The following MYO18B variants were observed in gnomAD, a reference collection of about 807,000 sequenced individuals.
The protein encoded by MYO18B is myosin XVIIIB, also known as unconventional myosin-XVIIIb.
Under a neutral mutation model 273.0 loss-of-function variants are expected in MYO18B, and 204 were observed. That is an observed-to-expected ratio of 0.75 (90% CI 0.67 to 0.84). The LOEUF is 0.84. Ranked by LOEUF, MYO18B falls within the 40% of genes least tolerant of loss-of-function variation. The pLI is 0.00. For missense variants in MYO18B, 3,212 were observed against 3,287.6 expected (o/e 0.98, Z 0.56); for synonymous variants, 1,330 against 1,305.7 (o/e 1.02, Z -0.40).
At chr22:25,952,005 GCA>G (rs2092797914) in intron 37 of MYO18B, among the ~76,000 whole-genome samples, 1 of 152,204 alleles carries the variant, frequency 6.6e-6, no homozygotes, top group Non-Finnish European at 1.5e-5. Context: ...GAGAAGGGAA[GCA>G]CTGATTAAAA....
intron 37 of MYO18B, among the ~76,000 whole-genome samples, chr22:25,951,351 C>T (rs1435540729): frequency 6.6e-6 from 1 of 152,242 alleles, no homozygotes; most frequent in African/African-American, 2.4e-5. Flanking sequence ...CATTCAAATA[C>T]TCACTCAATT....
intron 1 of MYO18B, among the ~76,000 whole-genome samples, chr22:25,755,922 C>A (rs993050257): frequency 6.6e-6 from 1 of 150,692 alleles, no homozygotes; most frequent in African/African-American, 2.4e-5. Flanking sequence ...TTTTTTCTTT[C>A]CCCCCACCCC....
In MYO18B at chr22:25,768,112, C is replaced by G. The variant is rs133902; in HGVS notation, c.199-3C>G. The G allele has an allele frequency of 1.2e-5, 19 of 1,587,086 alleles. No homozygotes were observed. Among genetic ancestry groups the G allele is most frequent in the Admixed American group, 1.8e-5 (1 of 57,142 alleles). ...GTAGGCATGGTTGTGTTCTTTCTCC[C>G]AGATCCCAGAAATTTCCATCAGCCA... On this transcript the variant is annotated splice_region_variant and splice_polypyrimidine_tract_variant and intron_variant, in intron 3 of 43. Coordinates refer to ENST00000335473, the MANE Select transcript of MYO18B (RefSeq NM_032608.7).
chr22:25,847,505 A>G lies in MYO18B; in HGVS notation c.3628A>G (p.Ser1210Gly). Residue 1210 changes from serine to glycine, a missense_variant, in exon 20 of 44, where the codon AGC becomes GGC. Physicochemically the swap from Ser to Gly is moderately conservative, Grantham distance 56. Coordinates refer to ENST00000335473, the MANE Select transcript of MYO18B (RefSeq NM_032608.7). The part of the protein sequence containing the change: ...HCLVPNPVVE[S>G]RSGQESPPPP... ...CCTGGTACCAAACCCTGTGGTGGAA[A>G]GCAGGAGTGGGCAGGAATCTCCACC... 1 of 1,580,490 alleles carries G rather than the reference A, an allele frequency of 6.3e-7. No homozygotes were observed.
At chr22:25,881,726 C>G (rs922966682) in intron 25 of MYO18B, among the ~76,000 whole-genome samples, 2 of 152,206 alleles carry the variant, frequency 1.3e-5, no homozygotes, top group Non-Finnish European at 2.9e-5. Flanking sequence ...ACCAAGCAAA[C>G]AAATGCCAAC....
chr22:25,920,715 T>C (rs1399125415), intron 33 of MYO18B, among the ~76,000 whole-genome samples: 2 of 152,320 alleles, frequency 1.3e-5, no homozygotes, highest in African/African-American at 4.8e-5. Context: ...GTACTCCGTA[T>C]CCCACGTGTA....
At chr22:25,785,530 TGTCTGGG>T (rs1385670204) in intron 11 of MYO18B, 39 bp downstream of exon 11, 1 of 1,594,652 alleles carries the variant, frequency 6.3e-7, no homozygotes, top group Non-Finnish European at 8.6e-7. Flanking sequence ...TGTGAGTCTG[TGTCTGGG>T]GCTAGATGGG....
At chr22:25,794,262 A>G (rs940049145) in intron 11 of MYO18B, among the ~76,000 whole-genome samples, 2 of 146,934 alleles carry the variant, frequency 1.4e-5, no homozygotes, top group Non-Finnish European at 3.0e-5. Flanking sequence ...GCTGGAGTGC[A>G]GTGGTGTGAT....
chr22:25,920,235 A>G (rs750941016), intron 33 of MYO18B, among the ~76,000 whole-genome samples: 1 of 150,388 alleles, frequency 6.6e-6, no homozygotes, highest in Non-Finnish European at 1.5e-5. Flanking sequence ...TTTCCTTGAA[A>G]CTCCCCATCT....
Position 25,903,771 on chromosome 22 carries a change from C to T in MYO18B, c.5088C>T (p.Ser1696=), listed in dbSNP as rs34284508. ...AGAGGCTCTGGAAGTTGGAATCCAGCGCCCTTGAGCAACAGAAAATCCAGA... is the reference window on the plus strand; with the variant it reads ...AGAGGCTCTGGAAGTTGGAATCCAGTGCCCTTGAGCAACAGAAAATCCAGA... ...LKERLWKLES[S]ALEQQKIQSQ... Residue 1696 remains serine, a synonymous_variant, in exon 31 of 44, where the codon AGC becomes AGT. Transcript: ENST00000335473. The T allele has an allele frequency of 6.0e-3, 9,657 of 1,603,452 alleles. 523 individuals are homozygous for T. The African/African-American group carries it at 0.12, about 19-fold the overall frequency.
chr22:25,837,968 T>A (rs1458716356), intron 17 of MYO18B, among the ~76,000 whole-genome samples: 1 of 152,152 alleles, frequency 6.6e-6, no homozygotes, highest in Non-Finnish European at 1.5e-5. Flanking sequence ...GCACAGATTG[T>A]CCCATCACTC....
the MYO18B span, among the ~76,000 whole-genome samples, chr22:26,039,374 C>T: frequency 6.6e-6 from 1 of 152,168 alleles, no homozygotes; most frequent in Non-Finnish European, 1.5e-5. Context: ...CTTTTATCTC[C>T]ACCTGGAACA....
chr22:25,967,314 T>C (rs534325620), intron 39 of MYO18B, among the ~76,000 whole-genome samples: 24 of 152,326 alleles, frequency 1.6e-4, no homozygotes, highest in African/African-American at 5.8e-4. Flanking sequence ...CTTCACTTAA[T>C]TGTATGCCAG....
intron 34 of MYO18B, among the ~76,000 whole-genome samples, chr22:25,936,167 C>T (rs74480860): frequency 0.028 from 4,328 of 152,164 alleles, 185 homozygotes; most frequent in African/African-American, 0.099. Flanking sequence ...GTAAATGAGA[C>T]GGGGATCGGG....
rs113545572 is a variant in MYO18B, at chr22:25,890,559, A to G, written c.4315-197A>G. 2.3e-3 allele frequency among the ~76,000 whole-genome samples: 353 copies of G among 152,310 alleles called. 3 individuals are homozygous for G. The highest frequency in any genetic ancestry group is 7.9e-3 in the African/African-American group (328 of 41,560). ...CAGCAAGGCATCCTGCTTGGTGTAA[A>G]ATCACACAGCTAGTGAGTGTTGAAC... On this transcript the variant is annotated intron_variant, in intron 25 of 43. Transcript: ENST00000335473.
At position 25,769,055 on chromosome 22, in the gene MYO18B, G is replaced by A; in HGVS notation, c.1139G>A (p.Ser380Asn). ...GGGGAGAAAGCAGGTGAGCTTCGGAGCACGACTGGGAAGGCAGGTGAGTCC... is the reference window on the plus strand; with the variant it reads ...GGGGAGAAAGCAGGTGAGCTTCGGAACACGACTGGGAAGGCAGGTGAGTCC... Reference protein sequence around the residue: ...RMGEKAGELRSTTGKAGESWD... With the variant: ...RMGEKAGELRNTTGKAGESWD... Residue 380 changes from serine (S) to asparagine (N), a missense_variant, in exon 4 of 44, where the codon AGC becomes AAC. Coordinates refer to ENST00000335473, the MANE Select transcript of MYO18B (RefSeq NM_032608.7). The A allele has an allele frequency of 6.2e-7, 1 of 1,612,308 alleles. No homozygotes were observed. The highest frequency in any genetic ancestry group is 8.5e-7 in the Non-Finnish European group (1 of 1,179,142).
At chr22:25,772,643 G>A (rs144815160) in intron 7 of MYO18B, 133 bp downstream of exon 7, 14 of 908,754 alleles carry the variant, frequency 1.5e-5, no homozygotes, top group African/African-American at 1.0e-4. Context: ...CATCCTTCTC[G>A]CGGCATTGTG....
chr22:25,748,104 G>A (rs1457897199), intron 1 of MYO18B, among the ~76,000 whole-genome samples: 1 of 152,182 alleles, frequency 6.6e-6, no homozygotes, highest in East Asian at 1.9e-4. Context: ...GAAACTAGGA[G>A]CCATGTCCCC....
chr22:25,970,713 G>A (rs544094939), intron 39 of MYO18B, among the ~76,000 whole-genome samples: 3 of 152,284 alleles, frequency 2.0e-5, no homozygotes, highest in Admixed American at 6.5e-5. Flanking sequence ...CCAGCTGGGC[G>A]GCAGAACTAG....
Sources: gnomAD v4.1 joint callset for allele counts (sites outside exome capture counted in the v4.1 genomes callset) on GRCh38, gnomAD v4.1.1 for gene constraint, MANE v1.5 for transcripts, NCBI Gene and HGNC (gene_info 2026-07-23, HGNC 2026-07-21) for gene names.